The following RUNX2 variants were observed in gnomAD, a reference collection of about 807,000 sequenced individuals.
The protein encoded by RUNX2 is RUNX family transcription factor 2, also known as runt-related transcription factor 2.
RUNX2 carries 10 observed loss-of-function variants against 51.7 expected under a neutral mutation model. The observed-to-expected ratio is 0.19, with a 90% confidence interval of 0.12 to 0.33. RUNX2 has a LOEUF of 0.33. Ranked by LOEUF, RUNX2 falls within the 10% of genes least tolerant of loss-of-function variation. The pLI is 1.00. For synonymous variants in RUNX2, 276 were observed against 273.6 expected (o/e 1.01, Z -0.09); for missense variants, 562 against 691.3 (o/e 0.81, Z 2.10).
At chr6:45,415,881 G>A (rs555593287) in intron 2 of RUNX2, among the ~76,000 whole-genome samples, 76 of 152,270 alleles carry the variant, frequency 5.0e-4, no homozygotes, top group African/African-American at 1.7e-3. Context: ...GGCACACCTA[G>A]GGAAGAAAAA....
intron 2 of RUNX2, among the ~76,000 whole-genome samples, chr6:45,335,861 C>T (rs530827314): frequency 1.3e-5 from 2 of 151,350 alleles, no homozygotes; most frequent in South Asian, 2.1e-4. Flanking sequence ...TAAAGCATTT[C>T]GGTAATTCAG....
chr6:45,363,288 T>C (rs982948917), intron 2 of RUNX2, among the ~76,000 whole-genome samples: 4 of 152,220 alleles, frequency 2.6e-5, no homozygotes, highest in Non-Finnish European at 5.9e-5. Flanking sequence ...ACTTCTGCTA[T>C]AGGACATCTG....
intron 3 of RUNX2, among the ~76,000 whole-genome samples, chr6:45,423,710 T>C (rs1487569003): frequency 1.3e-5 from 2 of 151,990 alleles, no homozygotes; most frequent in Non-Finnish European, 2.9e-5. Flanking sequence ...GGCGGGGGCG[T>C]TTGCTCTGTT....
intron 7 of RUNX2, among the ~76,000 whole-genome samples, chr6:45,523,986 C>T (rs919136435): frequency 1.3e-5 from 2 of 151,936 alleles, no homozygotes; most frequent in African/African-American, 4.8e-5. Flanking sequence ...AAGTAAAAAG[C>T]TTTTTTCTAA....
intron 7 of RUNX2, among the ~76,000 whole-genome samples, chr6:45,523,930 C>CAA (rs200342782): frequency 6.9e-6 from 1 of 144,306 alleles, no homozygotes; most frequent in Admixed American, 6.9e-5. Context: ...GACTGCATCT[C>CAA]AAAAAAAAAC....
At chr6:45,523,084 T>G (rs1264796068) in intron 7 of RUNX2, among the ~76,000 whole-genome samples, 1 of 152,124 alleles carries the variant, frequency 6.6e-6, no homozygotes, top group Non-Finnish European at 1.5e-5. Flanking sequence ...TCTTGACAGG[T>G]CTATTATTTG....
At chr6:45,369,311 T>G (rs1462336585) in intron 2 of RUNX2, among the ~76,000 whole-genome samples, 2 of 152,136 alleles carry the variant, frequency 1.3e-5, no homozygotes, top group East Asian at 3.8e-4. Flanking sequence ...TCTCTCAACC[T>G]ACCCAAACTC....
At chr6:45,520,398 G>A (rs1431765472) in intron 7 of RUNX2, among the ~76,000 whole-genome samples, 3 of 152,102 alleles carry the variant, frequency 2.0e-5, no homozygotes, top group African/African-American at 7.2e-5. Context: ...CTGTTTGGTG[G>A]TCATGCATAC....
intron 7 of RUNX2, among the ~76,000 whole-genome samples, chr6:45,541,532 T>G (rs1051513430): frequency 1.3e-5 from 2 of 152,210 alleles, no homozygotes; most frequent in Admixed American, 6.5e-5. Flanking sequence ...TCGGATTTAT[T>G]TGAGATTTGT....
intron 2 of RUNX2, among the ~76,000 whole-genome samples, chr6:45,342,541 AAGCCACGACACCC>A (rs1317382674): frequency 3.3e-5 from 5 of 152,106 alleles, no homozygotes; most frequent in Admixed American, 2.6e-4. Context: ...TTACACGCAT[AAGCCACGACACCC>A]AGCCCTACAA....
At chr6:45,336,541 T>G (rs1788583277) in intron 2 of RUNX2, among the ~76,000 whole-genome samples, 1 of 151,478 alleles carries the variant, frequency 6.6e-6, no homozygotes, top group Non-Finnish European at 1.5e-5. Context: ...TTAAATATTT[T>G]TTAAAACATC....
At chr6:45,470,525 T>A (rs1005141104) in intron 5 of RUNX2, among the ~76,000 whole-genome samples, 1 of 152,192 alleles carries the variant, frequency 6.6e-6, no homozygotes, top group Non-Finnish European at 1.5e-5. Flanking sequence ...ATGATAAATG[T>A]CACATGAGTG....
At chr6:45,458,040 A>G (rs1352505886) in intron 5 of RUNX2, among the ~76,000 whole-genome samples, 1 of 59,410 alleles carries the variant, frequency 1.7e-5, no homozygotes, top group Non-Finnish European at 3.3e-5. Flanking sequence ...TTTTTTTTTG[A>G]CAGAGTTTCA....
intron 2 of RUNX2, chr6:45,365,201 A>G (rs1183019623): frequency 1.3e-6 from 2 of 1,595,916 alleles, no homozygotes; most frequent in Non-Finnish European, 1.7e-6. Context: ...ACATACTTAC[A>G]TCATACTCTG....
intron 6 of RUNX2, among the ~76,000 whole-genome samples, chr6:45,509,112 AT>A (rs1352708130): frequency 6.6e-6 from 1 of 152,200 alleles, no homozygotes; most frequent in Non-Finnish European, 1.5e-5. Flanking sequence ...TTGAGATAGT[AT>A]TATCATCTCC....
intron 6 of RUNX2, among the ~76,000 whole-genome samples, chr6:45,511,811 T>C (rs1301244941): frequency 6.6e-6 from 1 of 152,236 alleles, no homozygotes; most frequent in Non-Finnish European, 1.5e-5. Context: ...ACAGTCTACA[T>C]AGTCTTTAAC....
chr6:45,438,338 C>T (rs1267412640), intron 5 of RUNX2, among the ~76,000 whole-genome samples: 1 of 152,160 alleles, frequency 6.6e-6, no homozygotes, highest in Non-Finnish European at 1.5e-5. Flanking sequence ...AAATTTTGCT[C>T]ATGTACTGAA....
chr6:45,441,067 G>A (rs1037469381), intron 5 of RUNX2, among the ~76,000 whole-genome samples: 55 of 152,170 alleles, frequency 3.6e-4, no homozygotes, highest in Non-Finnish European at 2.5e-4. Flanking sequence ...GGCAGTGTTG[G>A]GGCAGGGGGA....
chr6:45,431,731 C>A, intron 3 of RUNX2, 132 bp from the exon 4 acceptor site: 1 of 1,013,494 alleles, frequency 9.9e-7, no homozygotes, highest in Non-Finnish European at 1.6e-6. Flanking sequence ...ATGCTTCATT[C>A]CTGTCGGCCA....
Sources: allele counts gnomAD v4.1 joint callset (sites outside exome capture counted in the v4.1 genomes callset), GRCh38; gene constraint gnomAD v4.1.1; transcripts MANE v1.5; gene names NCBI Gene and HGNC (gene_info 2026-07-23, HGNC 2026-07-21).